Variants in PODXL2 observed in about 807,000 individuals in gnomAD.
The protein encoded by PODXL2 is podocalyxin-like protein 2.
A neutral mutation model predicts 53.4 loss-of-function variants in PODXL2; 17 were observed. The ratio of observed to expected loss-of-function variants is 0.32; its 90% CI spans 0.22 to 0.48. PODXL2 has a LOEUF of 0.48. Among genes scored for constraint, PODXL2 ranks in the 20% least tolerant of loss-of-function variants. The probability of loss-of-function intolerance (pLI) is 0.99; values close to 1 mark genes in which losing one functional copy is unlikely to be tolerated. For synonymous variants in PODXL2, 311 were observed against 306.7 expected, an observed-to-expected ratio of 1.01 and a Z score of -0.15; for missense variants, 673 against 760.0, an observed-to-expected ratio of 0.89 and a Z score of 1.35.
rs541993958 is a variant in PODXL2, at chr3:127,663,677, A to G, written c.1206+1366A>G. 6.8e-4 allele frequency among the ~76,000 whole-genome samples: 103 copies of G among 152,296 alleles called. No individual in the cohort carries two copies. In the Middle Eastern group the frequency reaches 0.014, roughly 20 times the overall value. ...GTTGGCCTCTGAGTCCTTTTGACCAATCTATTAAGTGTCTGATTGCTTCCT... is the reference window on the plus strand; with the variant it reads ...GTTGGCCTCTGAGTCCTTTTGACCAGTCTATTAAGTGTCTGATTGCTTCCT... On this transcript the variant is annotated intron_variant, in intron 4 of 7. Transcript: ENST00000342480.
chr3:127,658,492 C>A (rs1282568245), intron 2 of PODXL2, among the ~76,000 whole-genome samples: 1 of 143,588 alleles, frequency 7.0e-6, no homozygotes, highest in Non-Finnish European at 1.5e-5. Flanking sequence ...TAAATCTTTG[C>A]ATGTATGAGA....
At position 127,672,584 on chromosome 3, in the gene PODXL2, C is replaced by A. The variant is rs980870466; in HGVS notation, c.*104C>A. ...CCAGCCCCGCGCCTACCCGGGCCGC[C>A]CCCGCGGCCTGGCCCTCGGCGCGGG... On this transcript the variant is annotated 3_prime_UTR_variant, in exon 8 of 8. Transcript: ENST00000342480. The A allele has an allele frequency of 2.2e-5, 16 of 735,010 alleles. No individual in the cohort carries two copies. The highest frequency in any genetic ancestry group is 3.2e-5 in the Non-Finnish European group (16 of 496,302). 45.5% of individuals were successfully genotyped at this position (735,010 alleles called of 1,614,324 possible).
At chr3:127,631,793 T>A (rs1157472508) in intron 1 of PODXL2, among the ~76,000 whole-genome samples, 2 of 152,180 alleles carry the variant, frequency 1.3e-5, no homozygotes, top group Non-Finnish European at 2.9e-5. Context: ...CCAAGGCCTT[T>A]GAAAATATCA....
At position 127,655,543 on chromosome 3, in the gene PODXL2, T is replaced by C. The variant is rs549342671; in HGVS notation, c.350-4835T>C. 2.6e-5 allele frequency among the ~76,000 whole-genome samples: 4 copies of C among 152,316 alleles called. No homozygotes were observed. In the South Asian group the frequency reaches 8.3e-4, roughly 32 times the overall value. On this transcript the variant is annotated intron_variant, in intron 2 of 7. Transcript: ENST00000342480. Reference sequence around the variant, plus strand: ...TCACTGAACCCTGACCAGAGCCCTGTGTGGCAGGTACTATTTTTATTTTAC... The same window carrying C: ...TCACTGAACCCTGACCAGAGCCCTGCGTGGCAGGTACTATTTTTATTTTAC...
intron 2 of PODXL2, among the ~76,000 whole-genome samples, chr3:127,643,296 T>C (rs964659732): frequency 6.6e-6 from 1 of 152,084 alleles, no homozygotes. Context: ...CTGCAACCTC[T>C]GCCTCCCAAG....
At chr3:127,663,209 T>A (rs1194298112) in intron 4 of PODXL2, among the ~76,000 whole-genome samples, 2 of 152,184 alleles carry the variant, frequency 1.3e-5, no homozygotes, top group Admixed American at 1.3e-4. Flanking sequence ...CAGCTCATAT[T>A]TTTAGTAGCA....
intron 2 of PODXL2, among the ~76,000 whole-genome samples, chr3:127,643,609 C>CT (rs888575803): frequency 8.6e-5 from 13 of 151,218 alleles, no homozygotes; most frequent in Admixed American, 3.3e-4. Context: ...TCCTTCTATT[C>CT]TTTTTTTTTA....
intron 1 of PODXL2, among the ~76,000 whole-genome samples, chr3:127,635,658 A>G (rs953142544): frequency 2.0e-5 from 3 of 152,208 alleles, no homozygotes; most frequent in Non-Finnish European, 4.4e-5. Flanking sequence ...AGAAATGCAA[A>G]TTGTTGGGCC....
intron 6 of PODXL2, 91 bp downstream of exon 6, chr3:127,669,293 A>G (rs2074816003): frequency 2.3e-6 from 2 of 868,186 alleles, no homozygotes; most frequent in African/African-American, 3.4e-5. Context: ...CCACATCGTG[A>G]GGTTCAAAGG....
At chr3:127,634,193 A>G (rs560898583) in intron 1 of PODXL2, among the ~76,000 whole-genome samples, 2 of 152,338 alleles carry the variant, frequency 1.3e-5, no homozygotes, top group South Asian at 4.1e-4. Flanking sequence ...TCGGAGGCCA[A>G]GGTGGGCAGA....
At chr3:127,654,523 G>A (rs1458533152) in intron 2 of PODXL2, among the ~76,000 whole-genome samples, 3 of 152,044 alleles carry the variant, frequency 2.0e-5, no homozygotes, top group Non-Finnish European at 4.4e-5. Context: ...CTCCCATCAG[G>A]CCTCCCGGTA....
chr3:127,634,993 C>T (rs904661436), intron 1 of PODXL2, among the ~76,000 whole-genome samples: 3 of 152,174 alleles, frequency 2.0e-5, no homozygotes, highest in Middle Eastern at 3.2e-3. Context: ...GGAGGCGTCT[C>T]TCATGTCTAC....
intron 7 of PODXL2, among the ~76,000 whole-genome samples, chr3:127,671,904 C>A (rs569520167): frequency 2.0e-5 from 3 of 152,322 alleles, no homozygotes; most frequent in Admixed American, 2.0e-4. Context: ...GAATACCTCA[C>A]CAGAGGCAGG....
chr3:127,637,687 G>A (rs995607915), intron 1 of PODXL2, among the ~76,000 whole-genome samples: 9 of 152,148 alleles, frequency 5.9e-5, no homozygotes, highest in East Asian at 5.8e-4. Flanking sequence ...ACCTCAGGGC[G>A]TCTCTCTTAC....
Position 127,671,426 on chromosome 3 carries a change from A to AC in PODXL2, c.1426-4dup. On this transcript the variant is annotated splice_polypyrimidine_tract_variant and splice_region_variant and intron_variant, in intron 6 of 7. Coordinates refer to ENST00000342480, the MANE Select transcript of PODXL2 (RefSeq NM_015720.4). The stretch of plus-strand genomic sequence containing the variant: ...TCAGCTGAGGAAACTGGCCCCTCCC[A>AC]CCCCTAGATTGGCATCCAGAACTAT... 6.2e-7 allele frequency: 1 copy of AC among 1,611,712 alleles called. No individual in the cohort carries two copies. The highest frequency in any genetic ancestry group is 8.5e-7 in the Non-Finnish European group (1 of 1,178,366).
chr3:127,637,178 A>C (rs974278898), intron 1 of PODXL2, among the ~76,000 whole-genome samples: 18 of 152,142 alleles, frequency 1.2e-4, no homozygotes, highest in Admixed American at 5.9e-4. Flanking sequence ...CCTGTGAATT[A>C]TCTTATTGAG....
chr3:127,658,135 CAA>C (rs2074737515), intron 2 of PODXL2, among the ~76,000 whole-genome samples: 1 of 152,150 alleles, frequency 6.6e-6, no homozygotes, highest in South Asian at 2.1e-4. Context: ...ATCTGCTACT[CAA>C]AAAGTCTAAT....
chr3:127,653,335 C>T (rs538397870), intron 2 of PODXL2, among the ~76,000 whole-genome samples: 2 of 152,200 alleles, frequency 1.3e-5, no homozygotes, highest in Non-Finnish European at 1.5e-5. Flanking sequence ...CAAGCATGTT[C>T]GCTGACCTGT....
intron 2 of PODXL2, among the ~76,000 whole-genome samples, chr3:127,644,962 A>G (rs189696284): frequency 1.3e-4 from 20 of 152,256 alleles, no homozygotes; most frequent in East Asian, 7.7e-4. Flanking sequence ...CCTCAGGTCA[A>G]TCTCTTCTCT....
Sources: gnomAD v4.1 joint callset for allele counts (sites outside exome capture counted in the v4.1 genomes callset) on GRCh38, gnomAD v4.1.1 for gene constraint, MANE v1.5 for transcripts, NCBI Gene and HGNC (gene_info 2026-07-23, HGNC 2026-07-21) for gene names.